The following FHIT variants were observed in gnomAD, a reference collection of about 807,000 sequenced individuals.
FHIT encodes fragile histidine triad diadenosine triphosphatase.
Under a neutral mutation model 17.9 loss-of-function variants are expected in FHIT, and 19 were observed. The observed-to-expected ratio is 1.06, with a 90% CI of 0.74 to 1.56. The LOEUF (loss-of-function observed/expected upper bound fraction) is 1.56, where lower values mean the gene tolerates loss of function less well. Ranked by LOEUF, FHIT falls within the 40% of genes most tolerant of loss-of-function variation. The probability of loss-of-function intolerance (pLI) is 0.00; values close to 1 mark genes in which losing one functional copy is unlikely to be tolerated. For synonymous variants in FHIT, 81 were observed against 69.7 expected, an observed-to-expected ratio of 1.16 and a Z score of -0.81; for missense variants, 248 against 189.2, an observed-to-expected ratio of 1.31 and a Z score of -1.82.
chr3:60,927,079 C>T (rs1293218417), intron 3 of FHIT, among the ~76,000 whole-genome samples: 3 of 152,188 alleles, frequency 2.0e-5, no homozygotes, highest in Non-Finnish European at 4.4e-5. Context: ...GCCACGATCT[C>T]GGCTCACTGC....
chr3:60,997,303 C>T (rs931363264), intron 3 of FHIT, among the ~76,000 whole-genome samples: 1 of 152,118 alleles, frequency 6.6e-6, no homozygotes, highest in Non-Finnish European at 1.5e-5. Context: ...CAGGCTGCAA[C>T]AGAGAAAGGT....
intron 5 of FHIT, among the ~76,000 whole-genome samples, chr3:60,347,679 G>A (rs1354408639): frequency 1.4e-5 from 2 of 145,612 alleles, no homozygotes; most frequent in African/African-American, 5.0e-5. Flanking sequence ...CTGGTTTGGG[G>A]GGGGGGGGGG....
At chr3:60,923,577 G>A (rs1054896303) in intron 3 of FHIT, among the ~76,000 whole-genome samples, 2 of 152,110 alleles carry the variant, frequency 1.3e-5, no homozygotes, top group Admixed American at 1.3e-4. Flanking sequence ...TATTCACGAG[G>A]TGGAGCCAAG....
At chr3:59,865,458 T>A (rs1275519187) in intron 8 of FHIT, among the ~76,000 whole-genome samples, 2 of 152,254 alleles carry the variant, frequency 1.3e-5, no homozygotes, top group African/African-American at 4.8e-5. Flanking sequence ...AGATGTGTGT[T>A]ATATTACTTT....
At chr3:60,924,474 C>A (rs1206163225) in intron 3 of FHIT, among the ~76,000 whole-genome samples, 1 of 152,196 alleles carries the variant, frequency 6.6e-6, no homozygotes, top group African/African-American at 2.4e-5. Context: ...GCAGCAAACT[C>A]TAACAGACCT....
intron 5 of FHIT, among the ~76,000 whole-genome samples, chr3:60,166,619 G>A (rs934558624): frequency 5.3e-5 from 8 of 152,252 alleles, no homozygotes; most frequent in African/African-American, 1.9e-4. Flanking sequence ...CAGCAAAGAT[G>A]AATCCCAGCA....
intron 5 of FHIT, among the ~76,000 whole-genome samples, chr3:60,192,017 G>C (rs1702421196): frequency 6.6e-6 from 1 of 152,010 alleles, no homozygotes; most frequent in Non-Finnish European, 1.5e-5. Flanking sequence ...ATTGGAGACT[G>C]AGGCGGGTGG....
intron 3 of FHIT, among the ~76,000 whole-genome samples, chr3:60,909,707 G>C (rs1262908132): frequency 2.0e-5 from 3 of 152,310 alleles, no homozygotes; most frequent in African/African-American, 7.2e-5. Flanking sequence ...ACAAAAAGCT[G>C]TACTGAACAA....
chr3:60,655,928 C>T (rs543791258), intron 4 of FHIT, among the ~76,000 whole-genome samples: 2 of 152,164 alleles, frequency 1.3e-5, no homozygotes, highest in Admixed American at 6.5e-5. Context: ...TTGGCTACTA[C>T]GCCTTTCTGT....
At chr3:61,164,586 T>C (rs1237876617) in intron 2 of FHIT, among the ~76,000 whole-genome samples, 5 of 151,980 alleles carry the variant, frequency 3.3e-5, no homozygotes, top group Non-Finnish European at 7.4e-5. Flanking sequence ...TGAGGAAAAA[T>C]GGGGATAATA....
chr3:60,030,888 G>A (rs79552122), intron 5 of FHIT, among the ~76,000 whole-genome samples: 1 of 152,152 alleles, frequency 6.6e-6, no homozygotes, highest in African/African-American at 2.4e-5. Flanking sequence ...TTAGTAAGTA[G>A]AGAGTAGAAA....
chr3:61,239,968 A>G (rs2040335132), intron 1 of FHIT, among the ~76,000 whole-genome samples: 1 of 152,030 alleles, frequency 6.6e-6, no homozygotes. Flanking sequence ...ATATAGTTCC[A>G]GCAGTCCTCA....
At chr3:60,496,397 C>T (rs1240776298) in intron 5 of FHIT, among the ~76,000 whole-genome samples, 1 of 152,096 alleles carries the variant, frequency 6.6e-6, no homozygotes, top group Admixed American at 6.6e-5. Flanking sequence ...CAGGAGCAAA[C>T]GTTTTACTCC....
chr3:60,057,412 G>A (rs1702124513), intron 5 of FHIT, among the ~76,000 whole-genome samples: 1 of 152,110 alleles, frequency 6.6e-6, no homozygotes, highest in African/African-American at 2.4e-5. Context: ...AGTTTAAAAT[G>A]CTATCCTCTG....
intron 5 of FHIT, among the ~76,000 whole-genome samples, chr3:60,283,851 C>T (rs898644848): frequency 9.9e-5 from 15 of 151,906 alleles, no homozygotes; most frequent in African/African-American, 3.6e-4. Context: ...CAAAGGTATA[C>T]AATAGGGAAA....
In FHIT at chr3:60,789,377, G is replaced by C. The variant is rs145260078; in HGVS notation, c.-18+32542C>G. Among the ~76,000 whole-genome samples, 89 of 152,122 alleles carry C rather than the reference G, an allele frequency of 5.9e-4. 2 individuals are homozygous for C. The East Asian group carries it at 0.016, about 28-fold the overall frequency. Reference sequence around the variant, plus strand: ...ACTGAAAATACAAAAAATTAGCTGCGCATGGTGGTGCACACCTGTACTCCC... The same window carrying C: ...ACTGAAAATACAAAAAATTAGCTGCCCATGGTGGTGCACACCTGTACTCCC... On this transcript the variant is annotated intron_variant, in intron 4 of 9. Transcript: ENST00000492590.
At chr3:61,189,845 A>G (rs1403287278) in intron 2 of FHIT, among the ~76,000 whole-genome samples, 2 of 152,174 alleles carry the variant, frequency 1.3e-5, no homozygotes, top group African/African-American at 4.8e-5. Flanking sequence ...AGGATTCCCT[A>G]TTTAATAAAT....
chr3:61,048,244 T>C (rs558107480), intron 2 of FHIT, among the ~76,000 whole-genome samples: 13 of 152,058 alleles, frequency 8.5e-5, no homozygotes, highest in African/African-American at 3.1e-4. Context: ...AGGGCAAATA[T>C]CCAGAAATCT....
intron 8 of FHIT, among the ~76,000 whole-genome samples, chr3:59,812,023 T>C (rs188915808): frequency 1.4e-3 from 209 of 152,200 alleles, no homozygotes; most frequent in African/African-American, 4.9e-3. Context: ...CTATACACAG[T>C]GGTTCTCAAC....
Sources: allele counts gnomAD v4.1 joint callset (sites outside exome capture counted in the v4.1 genomes callset), GRCh38; gene constraint gnomAD v4.1.1; transcripts MANE v1.5; gene names NCBI Gene and HGNC (gene_info 2026-07-23, HGNC 2026-07-21).